Variants in MARCHF8 observed in about 807,000 individuals in gnomAD.
The protein encoded by MARCHF8 is E3 ubiquitin-protein ligase MARCHF8.
A neutral mutation model predicts 51.6 loss-of-function variants in MARCHF8; 40 were observed. That is an observed-to-expected ratio of 0.77 (90% CI 0.60 to 1.01). The LOEUF (loss-of-function observed/expected upper bound fraction) is 1.01. Ranked by LOEUF, MARCHF8 falls within the 50% of genes least tolerant of loss-of-function variation. MARCHF8 has a pLI of 0.00. For missense variants in MARCHF8, 685 were observed against 708.6 expected, an observed-to-expected ratio of 0.97 and a Z score of 0.38; for synonymous variants, 263 against 280.3, an observed-to-expected ratio of 0.94 and a Z score of 0.62.
In MARCHF8 at chr10:45,463,517, A is replaced by C; in HGVS notation, c.722T>G (p.Leu241Arg). ...ACCATCCGCCTTCTCTTCCAGCAGC[A>C]GGCCGGGCCTGCCCCCCTTGCCAGC... is the stretch of plus-strand genomic sequence containing the variant. ...VEAGKGGRPG[L>R]LLEEKADGEA... Residue 241 changes from leucine to arginine, a missense_variant, in exon 5 of 8, where the codon CTG becomes CGG. Transcript: ENST00000453424. The C allele has an allele frequency of 6.4e-7, 1 of 1,550,642 alleles. No homozygotes were observed. The highest frequency in any genetic ancestry group is 1.2e-5 in the South Asian group (1 of 84,064).
At chr10:45,489,884 C>T (rs114126363) in intron 2 of MARCHF8, among the ~76,000 whole-genome samples, 1 of 152,126 alleles carries the variant, frequency 6.6e-6, no homozygotes, top group Non-Finnish European at 1.5e-5. Flanking sequence ...GGGTGTCTGG[C>T]TAACAAAGTG....
At chr10:45,515,059 C>T (rs1353885604) in intron 2 of MARCHF8, among the ~76,000 whole-genome samples, 1 of 152,192 alleles carries the variant, frequency 6.6e-6, no homozygotes, top group Non-Finnish European at 1.5e-5. Flanking sequence ...TTCCTGGTTT[C>T]AGGCTATAAA....
intron 3 of MARCHF8, among the ~76,000 whole-genome samples, chr10:45,476,241 C>A (rs3891524): frequency 0.17 from 25,501 of 151,916 alleles, 2,244 homozygotes; most frequent in Middle Eastern, 0.2. Context: ...TATGAAATCC[C>A]AAAAAAAGAA....
intron 6 of MARCHF8, among the ~76,000 whole-genome samples, chr10:45,460,291 C>T (rs1191608677): frequency 2.0e-5 from 3 of 152,206 alleles, no homozygotes; most frequent in African/African-American, 7.2e-5. Flanking sequence ...GTATGCTTTA[C>T]TCCACAGACA....
chr10:45,586,940 A>G (rs2044625207), intron 1 of MARCHF8, among the ~76,000 whole-genome samples: 1 of 150,942 alleles, frequency 6.6e-6, no homozygotes, highest in African/African-American at 2.4e-5. Flanking sequence ...CCTAAAGTGC[A>G]TACGTTTTAA....
chr10:45,584,585 C>G (rs76469200), intron 1 of MARCHF8, among the ~76,000 whole-genome samples: 9,356 of 152,068 alleles, frequency 0.062, 330 homozygotes, highest in Non-Finnish European at 0.066. Flanking sequence ...ACATTATATA[C>G]AGTGGTAGTC....
At chr10:45,553,729 A>G (rs187561790) in intron 1 of MARCHF8, among the ~76,000 whole-genome samples, 126 of 152,358 alleles carry the variant, frequency 8.3e-4, no homozygotes, top group African/African-American at 2.8e-3. Context: ...CAGGAAAAAT[A>G]GGAAGACAAA....
intron 2 of MARCHF8, among the ~76,000 whole-genome samples, chr10:45,510,024 A>G (rs1375093551): frequency 6.6e-6 from 1 of 152,218 alleles, no homozygotes; most frequent in Non-Finnish European, 1.5e-5. Context: ...GCCTGACTTG[A>G]AGAGTAGCGT....
rs1842636774 is a variant in MARCHF8 at position 45,457,417 on chromosome 10, G to A, written c.*822C>T. 1 of 152,284 alleles carries A rather than the reference G, an allele frequency of 6.6e-6. No individual in the cohort carries two copies. Among genetic ancestry groups the A allele is most frequent in the Non-Finnish European group, 1.5e-5 (1 of 68,030 alleles). The allele number at this position is 152,284 out of a possible 1,614,324, so 9.4% of individuals were successfully genotyped here. ...CCATTTAGCATCCACTAATTCCCATGAGATCTGTGATTAAAAAAAAAGCCT... is the reference window on the plus strand; with the variant it reads ...CCATTTAGCATCCACTAATTCCCATAAGATCTGTGATTAAAAAAAAAGCCT... On this transcript the variant is annotated 3_prime_UTR_variant, in exon 8 of 8. Coordinates refer to ENST00000453424, the MANE Select transcript of MARCHF8 (RefSeq NM_001282866.2).
At chr10:45,515,992 A>G (rs2043612099) in intron 2 of MARCHF8, among the ~76,000 whole-genome samples, 1 of 152,186 alleles carries the variant, frequency 6.6e-6, no homozygotes, top group African/African-American at 2.4e-5. Context: ...GAAAGTGTCT[A>G]GCCCAAGTTG....
rs968042106 is a variant in MARCHF8, at chr10:45,531,720, T to G, written c.102+1390A>C. The stretch of plus-strand genomic sequence containing the variant: ...GAAGTTATGGGCTTCAGCGAGGGTG[T>G]GTTAACAGATTAGACTAAGCAAACA... On this transcript the variant is annotated intron_variant, in intron 2 of 7. Coordinates refer to ENST00000453424, the MANE Select transcript of MARCHF8 (RefSeq NM_001282866.2). 6.6e-5 allele frequency among the ~76,000 whole-genome samples: 10 copies of G among 152,174 alleles called. 1 individual carries two copies. The highest frequency in any genetic ancestry group is 8.8e-5 in the Non-Finnish European group (6 of 68,032).
intron 1 of MARCHF8, among the ~76,000 whole-genome samples, chr10:45,549,455 T>C (rs1319291367): frequency 6.6e-6 from 1 of 152,206 alleles, no homozygotes; most frequent in Admixed American, 6.5e-5. Flanking sequence ...TGGCCTTTTC[T>C]TCTAGGCTTC....
intron 6 of MARCHF8, chr10:45,460,968 C>CCAGA: frequency 2.8e-6 from 1 of 354,674 alleles, no homozygotes; most frequent in African/African-American, 2.1e-5. Flanking sequence ...TAGTCAAAGG[C>CCAGA]CAGAGGACTG....
intron 3 of MARCHF8, among the ~76,000 whole-genome samples, chr10:45,481,377 T>C (rs951665162): frequency 2.6e-5 from 4 of 152,138 alleles, no homozygotes; most frequent in African/African-American, 9.7e-5. Context: ...TTTTGAAATG[T>C]GAGGACATGA....
intron 2 of MARCHF8, among the ~76,000 whole-genome samples, chr10:45,505,137 G>A (rs2043356811): frequency 6.6e-6 from 1 of 152,146 alleles, no homozygotes; most frequent in Non-Finnish European, 1.5e-5. Context: ...CTACTTCACA[G>A]CACAGGATCA....
chr10:45,507,624 C>T (rs1256813769), intron 2 of MARCHF8, among the ~76,000 whole-genome samples: 1 of 152,104 alleles, frequency 6.6e-6, no homozygotes, highest in East Asian at 1.9e-4. Flanking sequence ...AGGGATCCGC[C>T]TCTATGACCC....
intron 1 of MARCHF8, among the ~76,000 whole-genome samples, chr10:45,546,648 G>A (rs2044126744): frequency 6.6e-6 from 1 of 151,904 alleles, no homozygotes; most frequent in Admixed American, 6.6e-5. Context: ...GCTGGGCGTG[G>A]TGGTGCATGC....
chr10:45,592,517 T>C (rs2044692257), intron 1 of MARCHF8, among the ~76,000 whole-genome samples: 1 of 152,210 alleles, frequency 6.6e-6, no homozygotes. Flanking sequence ...AGGTTACTTT[T>C]AGAAATTTCA....
At chr10:45,544,686 G>A (rs1038313098) in intron 1 of MARCHF8, among the ~76,000 whole-genome samples, 1 of 152,190 alleles carries the variant, frequency 6.6e-6, no homozygotes, top group Non-Finnish European at 1.5e-5. Flanking sequence ...ATTGCCTCAT[G>A]TTGGGTGTAG....
Sources: gnomAD v4.1 joint callset for allele counts (sites outside exome capture counted in the v4.1 genomes callset) on GRCh38, gnomAD v4.1.1 for gene constraint, MANE v1.5 for transcripts, NCBI Gene and HGNC (gene_info 2026-07-23, HGNC 2026-07-21) for gene names.